The following MRTFB variants were observed in gnomAD, a reference collection of about 807,000 sequenced individuals.
MRTFB encodes myocardin related transcription factor B.
Under a neutral mutation model 104.2 loss-of-function variants are expected in MRTFB, and 29 were observed. The ratio of observed to expected loss-of-function variants is 0.28; its 90% CI spans 0.21 to 0.38. The LOEUF is 0.38. MRTFB is among the 10% of genes least tolerant of loss of function. The pLI is 1.00. For missense variants in MRTFB, 1,270 were observed against 1,341.6 expected, an observed-to-expected ratio of 0.95 and a Z score of 0.83; for synonymous variants, 535 against 519.5, an observed-to-expected ratio of 1.03 and a Z score of -0.41.
At chr16:14,095,991 T>C (rs928844904) in intron 2 of MRTFB, among the ~76,000 whole-genome samples, 9 of 152,160 alleles carry the variant, frequency 5.9e-5, no homozygotes, top group Admixed American at 1.3e-4. Flanking sequence ...ACTAAAAGTT[T>C]ATTGGTTAGT....
chr16:14,138,189 A>G (rs560841731), intron 2 of MRTFB, among the ~76,000 whole-genome samples: 1 of 152,288 alleles, frequency 6.6e-6, no homozygotes, highest in African/African-American at 2.4e-5. Context: ...TATTACATCT[A>G]CATGTAGTGT....
At chr16:14,061,268 A>C in the MRTFB span, among the ~76,000 whole-genome samples, 2 of 152,214 alleles carry the variant, frequency 1.3e-5, no homozygotes, top group Admixed American at 1.3e-4. Flanking sequence ...TTGCCCTGCC[A>C]GAGACACAGA....
the MRTFB span, among the ~76,000 whole-genome samples, chr16:14,055,254 G>C: frequency 0.024 from 3,657 of 152,326 alleles, 163 homozygotes; most frequent in African/African-American, 0.083. Flanking sequence ...GGGAGGCTGA[G>C]GCAGGAGAAT....
At chr16:14,110,118 T>G (rs931873626) in intron 2 of MRTFB, among the ~76,000 whole-genome samples, 2 of 152,208 alleles carry the variant, frequency 1.3e-5, no homozygotes, top group East Asian at 3.8e-4. Context: ...ATCAAAACAG[T>G]GTCTGGAGAA....
At chr16:14,189,794 A>G (rs1413082652) in intron 3 of MRTFB, among the ~76,000 whole-genome samples, 1 of 151,966 alleles carries the variant, frequency 6.6e-6, no homozygotes, top group East Asian at 1.9e-4. Flanking sequence ...ATACGTGTCC[A>G]CTCTCAGGGC....
At chr16:14,254,764 A>G (rs774699756) in intron 15 of MRTFB, among the ~76,000 whole-genome samples, 2 of 152,248 alleles carry the variant, frequency 1.3e-5, no homozygotes, top group Admixed American at 6.5e-5. Flanking sequence ...TTTAACATCC[A>G]TAACATTTAT....
the MRTFB span, among the ~76,000 whole-genome samples, chr16:14,050,802 G>C: frequency 6.6e-6 from 1 of 152,174 alleles, no homozygotes; most frequent in South Asian, 2.1e-4. Context: ...GGTGCAGAAT[G>C]GGGGCGGGTC....
At chr16:14,012,233 CTTT>C in the MRTFB span, among the ~76,000 whole-genome samples, 1 of 127,780 alleles carries the variant, frequency 7.8e-6, no homozygotes, top group Non-Finnish European at 1.7e-5. Context: ...TCTTTTTTTT[CTTT>C]TTTTTTTTTT....
chr16:14,198,236 AC>A (rs1482530546), intron 3 of MRTFB, among the ~76,000 whole-genome samples: 2 of 152,192 alleles, frequency 1.3e-5, no homozygotes, highest in Non-Finnish European at 2.9e-5. Context: ...TCTGTTGATG[AC>A]ATTTGGGCAG....
the MRTFB span, among the ~76,000 whole-genome samples, chr16:14,003,973 C>CAGTCTGTGG: frequency 6.6e-5 from 10 of 152,164 alleles, no homozygotes; most frequent in Admixed American, 5.2e-4. Flanking sequence ...TGTGGGCCTC[C>CAGTCTGTGG]AGTCTGTGGA....
At chr16:14,112,589 A>G (rs2036329499) in intron 2 of MRTFB, among the ~76,000 whole-genome samples, 1 of 152,212 alleles carries the variant, frequency 6.6e-6, no homozygotes, top group Non-Finnish European at 1.5e-5. Context: ...CTCTTATTCC[A>G]CCACAGTCTG....
chr16:14,154,714 C>T (rs556575556), intron 3 of MRTFB, among the ~76,000 whole-genome samples: 105 of 152,310 alleles, frequency 6.9e-4, no homozygotes, highest in African/African-American at 2.4e-3. Flanking sequence ...AGAGTTTCAT[C>T]TGAAGGTTCA....
At chr16:14,047,723 A>G in the MRTFB span, among the ~76,000 whole-genome samples, 1 of 152,174 alleles carries the variant, frequency 6.6e-6, no homozygotes, top group Admixed American at 6.5e-5. Context: ...TGAGAACAGT[A>G]TGGGGGAACC....
the MRTFB span, among the ~76,000 whole-genome samples, chr16:14,035,950 T>G: frequency 2.0e-5 from 3 of 151,118 alleles, no homozygotes; most frequent in African/African-American, 7.3e-5. Flanking sequence ...ATAACTTAGC[T>G]CCCACTTATG....
At chr16:14,162,298 T>C (rs533413533) in intron 3 of MRTFB, among the ~76,000 whole-genome samples, 1 of 152,118 alleles carries the variant, frequency 6.6e-6, no homozygotes, top group Non-Finnish European at 1.5e-5. Context: ...CACATCACTG[T>C]TCTCCCCTGG....
chr16:14,222,296 A>C (rs1210969133), intron 8 of MRTFB, among the ~76,000 whole-genome samples: 2 of 152,140 alleles, frequency 1.3e-5, no homozygotes, highest in Non-Finnish European at 2.9e-5. Flanking sequence ...CTGCATGTTT[A>C]ATCCTATGGC....
intron 2 of MRTFB, among the ~76,000 whole-genome samples, chr16:14,086,799 A>T (rs1387596070): frequency 1.3e-5 from 2 of 152,200 alleles, no homozygotes; most frequent in African/African-American, 4.8e-5. Flanking sequence ...TCTTAATTAA[A>T]ATTAAGGCTT....
the MRTFB span, among the ~76,000 whole-genome samples, chr16:14,033,926 C>A: frequency 6.6e-6 from 1 of 151,616 alleles, no homozygotes; most frequent in Non-Finnish European, 1.5e-5. Context: ...TAAGGAAATC[C>A]ACCATTTAAG....
intron 2 of MRTFB, among the ~76,000 whole-genome samples, chr16:14,114,954 G>A (rs7197916): frequency 0.13 from 20,490 of 152,146 alleles, 1,947 homozygotes; most frequent in East Asian, 0.29. Context: ...CTCTTCATAG[G>A]TATTTTTTGA....
Sources: allele counts gnomAD v4.1 joint callset (sites outside exome capture counted in the v4.1 genomes callset), GRCh38; gene constraint gnomAD v4.1.1; transcripts MANE v1.5; gene names NCBI Gene and HGNC (gene_info 2026-07-23, HGNC 2026-07-21).